ZBTB20: variants seen among roughly 807,000 people sequenced by gnomAD.
The protein encoded by ZBTB20 is zinc finger and BTB domain-containing protein 20.
ZBTB20 carries 9 observed loss-of-function variants against 56.9 expected under a neutral mutation model. The observed-to-expected ratio is 0.16, with a 90% CI of 0.10 to 0.28. ZBTB20 has a LOEUF of 0.28. Among genes scored for constraint, ZBTB20 ranks in the 10% least tolerant of loss-of-function variants. ZBTB20 has a pLI of 1.00. For missense variants in ZBTB20, 655 were observed against 1,003.0 expected (o/e 0.65, Z 4.69); for synonymous variants, 417 against 420.7 (o/e 0.99, Z 0.11).
intron 4 of ZBTB20, among the ~76,000 whole-genome samples, chr3:114,883,590 T>C (rs2076478533): frequency 6.6e-6 from 1 of 152,220 alleles, no homozygotes; most frequent in Non-Finnish European, 1.5e-5. Context: ...AACCTGATAG[T>C]GCATGCTCAC....
At chr3:114,398,713 A>G (rs2086553316) in intron 7 of ZBTB20, among the ~76,000 whole-genome samples, 1 of 152,206 alleles carries the variant, frequency 6.6e-6, no homozygotes, top group African/African-American at 2.4e-5. Flanking sequence ...AAATCATGGT[A>G]ACTTGATGAA....
chr3:114,681,989 T>C (rs1383149445), intron 6 of ZBTB20, among the ~76,000 whole-genome samples: 1 of 152,196 alleles, frequency 6.6e-6, no homozygotes, highest in East Asian at 1.9e-4. Flanking sequence ...TAGTTTCTGT[T>C]TTTTCTTTAA....
At position 114,347,446 on chromosome 3, in the gene ZBTB20, T is replaced by C. The variant is rs532542993; in HGVS notation, c.1804+2828A>G. 3.3e-5 allele frequency among the ~76,000 whole-genome samples: 5 copies of C among 152,338 alleles called. 1 individual carries two copies. Among genetic ancestry groups the C allele is most frequent in the African/African-American group, 1.2e-4 (5 of 41,574 alleles). The stretch of plus-strand genomic sequence containing the variant: ...TCTACTCTTACAAGTATCCCCGTGC[T>C]TTCTAGAATCTTTTTATACTAACAT... On this transcript the variant is annotated intron_variant, in intron 11 of 11. Transcript: ENST00000675478.
At chr3:114,691,861 C>T (rs932443035) in intron 6 of ZBTB20, among the ~76,000 whole-genome samples, 1 of 152,012 alleles carries the variant, frequency 6.6e-6, no homozygotes, top group Non-Finnish European at 1.5e-5. Context: ...TTTTAATGAG[C>T]ATGTATCATT....
chr3:114,935,792 C>T (rs1002179558), intron 3 of ZBTB20, among the ~76,000 whole-genome samples: 4 of 152,138 alleles, frequency 2.6e-5, no homozygotes, highest in African/African-American at 7.2e-5. Context: ...GGCCTCATGG[C>T]TCTAAGGGCT....
intron 10 of ZBTB20, among the ~76,000 whole-genome samples, chr3:114,355,470 CAG>C (rs2081151959): frequency 6.6e-6 from 1 of 152,216 alleles, no homozygotes; most frequent in South Asian, 2.1e-4. Flanking sequence ...GATATGAGTA[CAG>C]ATGCGAAGGG....
chr3:114,853,661 C>A (rs2075113017), intron 4 of ZBTB20, among the ~76,000 whole-genome samples: 1 of 152,188 alleles, frequency 6.6e-6, no homozygotes, highest in African/African-American at 2.4e-5. Flanking sequence ...TATTTCCCCT[C>A]ATAAGCATAT....
At chr3:114,778,476 A>G (rs901821645) in intron 5 of ZBTB20, among the ~76,000 whole-genome samples, 2 of 150,956 alleles carry the variant, frequency 1.3e-5, no homozygotes, top group African/African-American at 4.9e-5. Flanking sequence ...AACACTTGGT[A>G]GCAGCATTAT....
chr3:114,808,066 T>G (rs1207416645), intron 4 of ZBTB20, among the ~76,000 whole-genome samples: 1 of 152,138 alleles, frequency 6.6e-6, no homozygotes, highest in Admixed American at 6.5e-5. Context: ...TGGTATTGGA[T>G]AGAATTCACC....
chr3:115,042,826 T>C (rs1248319459), intron 2 of ZBTB20, among the ~76,000 whole-genome samples: 1 of 152,092 alleles, frequency 6.6e-6, no homozygotes, highest in Admixed American at 6.5e-5. Context: ...AATTTGAAAA[T>C]TGTCCATGAG....
At chr3:114,762,685 G>A (rs2068522320) in intron 5 of ZBTB20, among the ~76,000 whole-genome samples, 1 of 152,130 alleles carries the variant, frequency 6.6e-6, no homozygotes, top group South Asian at 2.1e-4. Flanking sequence ...GCATCCGTCT[G>A]AGCCATACTA....
intron 6 of ZBTB20, among the ~76,000 whole-genome samples, chr3:114,633,388 T>C (rs1182769525): frequency 6.6e-6 from 1 of 152,238 alleles, no homozygotes; most frequent in African/African-American, 2.4e-5. Flanking sequence ...TCTTGCTGCA[T>C]ACATTCTATT....
chr3:114,618,642 C>G (rs2058101225), intron 6 of ZBTB20, among the ~76,000 whole-genome samples: 1 of 152,072 alleles, frequency 6.6e-6, no homozygotes, highest in Non-Finnish European at 1.5e-5. Context: ...AATGAAGAAA[C>G]AGTCTGTGTA....
At chr3:115,130,449 G>C (rs1156253301) in intron 1 of ZBTB20, among the ~76,000 whole-genome samples, 9 of 152,190 alleles carry the variant, frequency 5.9e-5, no homozygotes, top group Admixed American at 1.3e-4. Context: ...ACTGAACAAA[G>C]TGAAACATAC....
At chr3:114,788,886 G>A (rs9873289) in intron 5 of ZBTB20, among the ~76,000 whole-genome samples, 129,706 of 152,206 alleles carry the variant, frequency 0.85, 56,286 homozygotes, top group East Asian at 0.98. Flanking sequence ...GGAGGCAGGC[G>A]AGAGAGTGTG....
intron 7 of ZBTB20, among the ~76,000 whole-genome samples, chr3:114,429,248 A>G (rs1006754946): frequency 2.4e-4 from 37 of 152,194 alleles, no homozygotes; most frequent in African/African-American, 8.2e-4. Context: ...GTTGTTTTAT[A>G]TCTACAATAC....
chr3:114,825,759 T>C (rs2073491451), intron 4 of ZBTB20, among the ~76,000 whole-genome samples: 1 of 151,818 alleles, frequency 6.6e-6, no homozygotes, highest in Non-Finnish European at 1.5e-5. Flanking sequence ...CAGTGCAGTA[T>C]TAAGGAATCA....
intron 2 of ZBTB20, among the ~76,000 whole-genome samples, chr3:115,026,170 A>C (rs998949166): frequency 9.9e-5 from 15 of 150,820 alleles, no homozygotes; most frequent in African/African-American, 3.6e-4. Context: ...CAAAACAAGA[A>C]ATAGAGAAAA....
At chr3:114,616,212 G>A (rs1211118988) in intron 6 of ZBTB20, among the ~76,000 whole-genome samples, 1 of 152,134 alleles carries the variant, frequency 6.6e-6, no homozygotes, top group African/African-American at 2.4e-5. Flanking sequence ...TTTGCCAATA[G>A]CTTGAACCCA....
Sources: allele counts gnomAD v4.1 joint callset (sites outside exome capture counted in the v4.1 genomes callset), GRCh38; gene constraint gnomAD v4.1.1; transcripts MANE v1.5; gene names NCBI Gene and HGNC (gene_info 2026-07-23, HGNC 2026-07-21).